Variants in CNNM2 observed in about 807,000 individuals in gnomAD.
CNNM2 encodes cyclin and CBS domain divalent metal cation transport mediator 2.
CNNM2 carries 12 observed loss-of-function variants against 66.9 expected under a neutral mutation model. The observed-to-expected ratio is 0.18, with a 90% CI of 0.11 to 0.29. The LOEUF (loss-of-function observed/expected upper bound fraction) is 0.29. Ranked by LOEUF, CNNM2 falls within the 10% of genes least tolerant of loss-of-function variation. The pLI, the probability that CNNM2 is intolerant of heterozygous loss-of-function variation, is 1.00. For synonymous variants in CNNM2, 557 were observed against 501.8 expected (o/e 1.11, Z -1.47); for missense variants, 705 against 1,167.7 (o/e 0.60, Z 5.77).
chr10:103,053,692 T>G (rs542641008), intron 2 of CNNM2, among the ~76,000 whole-genome samples: 8 of 152,216 alleles, frequency 5.3e-5, no homozygotes, highest in Non-Finnish European at 1.0e-4. Flanking sequence ...ATATTGACTC[T>G]CTGGCCCTTT....
intron 1 of CNNM2, among the ~76,000 whole-genome samples, chr10:102,963,801 A>G (rs1478254948): frequency 1.3e-5 from 2 of 152,238 alleles, no homozygotes; most frequent in Non-Finnish European, 2.9e-5. Flanking sequence ...AAGATAAAGC[A>G]TGCACAGAAA....
chr10:102,980,805 A>G lies in CNNM2; in HGVS notation c.1621+60704A>G, dbSNP rs1276512863. On this transcript the variant is annotated intron_variant, in intron 1 of 7. Transcript: ENST00000369878. ...TTATGACTACATAAAGATTGTTCAT[A>G]TGATACAATCAACATATTGCGATCA... Among the ~76,000 whole-genome samples the G allele has an allele frequency of 2.6e-5, 4 of 152,206 alleles. No individual in the cohort carries two copies. In the South Asian group the frequency reaches 6.2e-4, roughly 24 times the overall value.
chr10:103,063,797 A>G (rs1390850608), intron 4 of CNNM2, among the ~76,000 whole-genome samples: 1 of 152,198 alleles, frequency 6.6e-6, no homozygotes, highest in Non-Finnish European at 1.5e-5. Context: ...ATGCTCGACT[A>G]GAGTAAACTT....
intron 1 of CNNM2, among the ~76,000 whole-genome samples, chr10:102,934,956 C>T (rs1169078994): frequency 2.6e-5 from 4 of 151,538 alleles, no homozygotes; most frequent in African/African-American, 4.8e-5. Context: ...GTCAGGAGTT[C>T]GAGACCAGCC....
chr10:102,923,525 C>G (rs1845734611), intron 1 of CNNM2, among the ~76,000 whole-genome samples: 1 of 152,100 alleles, frequency 6.6e-6, no homozygotes, highest in East Asian at 1.9e-4. Context: ...TCTCCTTGAT[C>G]CTGGTTTGAC....
intron 1 of CNNM2, among the ~76,000 whole-genome samples, chr10:102,931,570 T>C (rs1285553226): frequency 6.6e-6 from 1 of 152,136 alleles, no homozygotes; most frequent in Non-Finnish European, 1.5e-5. Flanking sequence ...TTGGTCAGGC[T>C]GGTCTTGAAT....
chr10:103,043,524 G>C (rs1219790468), intron 1 of CNNM2, among the ~76,000 whole-genome samples: 1 of 152,188 alleles, frequency 6.6e-6, no homozygotes, highest in African/African-American at 2.4e-5. Flanking sequence ...TTTGAGCCTA[G>C]AAGTATGGTA....
Position 102,930,750 on chromosome 10 carries a change from T to G in CNNM2, c.1621+10649T>G, listed in dbSNP as rs543421915. Among the ~76,000 whole-genome samples the G allele has an allele frequency of 5.3e-5, 8 of 152,292 alleles. No individual in the cohort carries two copies. In the South Asian group the frequency reaches 1.2e-3, roughly 24 times the overall value. ...AGTCACTGGCAACTAATTTACTGTC[T>G]GTATGGATTAGCTTATTCTGGACAT... On this transcript the variant is annotated intron_variant, in intron 1 of 7. Transcript: ENST00000369878.
intron 1 of CNNM2, among the ~76,000 whole-genome samples, chr10:102,931,590 C>T (rs1021028431): frequency 1.1e-4 from 16 of 152,112 alleles, no homozygotes; most frequent in Non-Finnish European, 1.9e-4. Flanking sequence ...TTTTCTTCCT[C>T]AGGTGATCCA....
intron 1 of CNNM2, among the ~76,000 whole-genome samples, chr10:103,005,605 C>T (rs1262391059): frequency 1.3e-5 from 2 of 152,110 alleles, no homozygotes; most frequent in Admixed American, 1.3e-4. Flanking sequence ...GCTGAGACCG[C>T]ACCACTGCAC....
chr10:102,963,189 T>A (rs1296583072), intron 1 of CNNM2, among the ~76,000 whole-genome samples: 1 of 152,126 alleles, frequency 6.6e-6, no homozygotes, highest in Non-Finnish European at 1.5e-5. Flanking sequence ...GTGATATGAG[T>A]AAGTAAAATG....
chr10:102,986,787 A>AG (rs1479732458), intron 1 of CNNM2, among the ~76,000 whole-genome samples: 4 of 151,308 alleles, frequency 2.6e-5, no homozygotes, highest in Non-Finnish European at 5.9e-5. Flanking sequence ...CTCAAAAAAA[A>AG]AAAAAAAAAG....
intron 1 of CNNM2, among the ~76,000 whole-genome samples, chr10:103,014,985 C>A (rs1300850542): frequency 1.3e-5 from 2 of 152,100 alleles, no homozygotes; most frequent in African/African-American, 4.8e-5. Context: ...CCAGGCACTT[C>A]AAACTTCTTC....
In CNNM2 at chr10:103,037,549, T is replaced by G. The variant is rs1381271102; in HGVS notation, c.1622-12158T>G. On this transcript the variant is annotated intron_variant, in intron 1 of 7. Coordinates refer to ENST00000369878, the MANE Select transcript of CNNM2 (RefSeq NM_017649.5). ...AGGGTCAAATTATTAAATGAAATAT[T>G]GGGTATAGTATAAGAAGATGGAGTC... 3.3e-5 allele frequency among the ~76,000 whole-genome samples: 5 copies of G among 152,178 alleles called. No individual in the cohort carries two copies. In the South Asian group the frequency reaches 6.2e-4, roughly 19 times the overall value.
rs973594398 is a variant in CNNM2, at chr10:103,079,158, G to A, written c.*1978G>A. ...CTAAGCATCCTTTTTTTTAAACAGA[G>A]CCATCTAGATACAAAAGTCAGTTTC... On this transcript the variant is annotated 3_prime_UTR_variant, in exon 8 of 8. Transcript: ENST00000369878. 2.0e-5 allele frequency: 3 copies of A among 152,148 alleles called. No individual in the cohort carries two copies. Among genetic ancestry groups the A allele is most frequent in the East Asian group, 1.9e-4 (1 of 5,190 alleles). The allele number at this position is 152,148 out of a possible 1,614,324, so 9.4% of individuals were successfully genotyped here. A position where few individuals can be genotyped will look rare whatever the true frequency, so the allele number is the denominator to read the frequency against.
At chr10:102,951,416 C>T (rs923984780) in intron 1 of CNNM2, among the ~76,000 whole-genome samples, 18 of 151,908 alleles carry the variant, frequency 1.2e-4, no homozygotes, top group African/African-American at 4.3e-4. Context: ...AGGCTGGTTT[C>T]GAATTCTTGA....
Position 103,034,987 on chromosome 10 carries a change from A to AAAT in CNNM2, c.1622-14718_1622-14717insTAA, listed in dbSNP as rs1554901998. ...GACTCCGTCTCAAAAAAAAAAAAAA[A>AAAT]AAATCTCCTACTATTGGCTGGGCAT... On this transcript the variant is annotated intron_variant, in intron 1 of 7. Coordinates refer to ENST00000369878, the MANE Select transcript of CNNM2 (RefSeq NM_017649.5). 0.017 allele frequency among the ~76,000 whole-genome samples: 2,457 copies of AAAT among 147,692 alleles called. 86 individuals are homozygous for AAAT. Among genetic ancestry groups the AAAT allele is most frequent in the Middle Eastern group, 0.028 (8 of 284 alleles).
rs561398041 is a variant in CNNM2, at chr10:102,996,833, T to C, written c.1622-52874T>C. Among the ~76,000 whole-genome samples, 3 of 152,372 alleles carry C rather than the reference T, an allele frequency of 2.0e-5. No homozygotes were observed. In the South Asian group the frequency reaches 6.2e-4, roughly 32 times the overall value. ...ACAGCATTTATTTTCTCATGGCCTT[T>C]CTTCCACGAGATATTTGCCTTTGTT... On this transcript the variant is annotated intron_variant, in intron 1 of 7. Transcript: ENST00000369878.
chr10:102,949,510 A>G lies in CNNM2; in HGVS notation c.1621+29409A>G, dbSNP rs3096383. Among the ~76,000 whole-genome samples the G allele has an allele frequency of 0.85, 128,582 of 151,496 alleles. 55,069 individuals are homozygous for G. Among genetic ancestry groups the G allele is most frequent in the African/African-American group, 0.96 (39,746 of 41,424 alleles). On this transcript the variant is annotated intron_variant, in intron 1 of 7. Transcript: ENST00000369878. ...TTTAAATGGTATCTAGTGGCCGGGC[A>G]CAGTGGCTCATGCCTGTAATTCTAG...
Sources: allele counts gnomAD v4.1 joint callset (sites outside exome capture counted in the v4.1 genomes callset), GRCh38; gene constraint gnomAD v4.1.1; transcripts MANE v1.5; gene names NCBI Gene and HGNC (gene_info 2026-07-23, HGNC 2026-07-21).